CXCL12: variants seen among roughly 807,000 people sequenced by gnomAD.
CXCL12 encodes C-X-C motif chemokine ligand 12.
In CXCL12, 4 loss-of-function variants were observed where a neutral mutation model predicts 10.7. The observed-to-expected ratio is 0.37, with a 90% confidence interval of 0.18 to 0.86. CXCL12 has a LOEUF of 0.86. Among genes scored for constraint, CXCL12 ranks in the 40% least tolerant of loss-of-function variants. CXCL12 has a pLI of 0.43. For missense variants in CXCL12, 122 were observed against 110.4 expected (o/e 1.10, Z -0.47); for synonymous variants, 54 against 45.4 (o/e 1.19, Z -0.77).
At position 44,380,860 on chromosome 10, in the gene CXCL12, A is replaced by T; in HGVS notation, c.82T>A (p.Tyr28Asn). 1 of 1,614,210 alleles carries T rather than the reference A, an allele frequency of 6.2e-7. No individual in the cohort carries two copies. Among genetic ancestry groups the T allele is most frequent in the Non-Finnish European group, 8.5e-7 (1 of 1,180,038 alleles). ...LSDGKPVSLS[Y>N]RCPCRFFESH... ...TCGAAGAATCGGCATGGGCATCTGT[A>T]GCTCAGGCTGACGGGCTTCCCTAGA... The change falls in exon 2 of 3, where the codon TAC (tyrosine) becomes AAC (asparagine). Residue 28 changes from tyrosine (Y) to asparagine (N), a missense_variant. Physicochemically the swap from Tyr to Asn is moderately radical, Grantham distance 143. Coordinates refer to ENST00000343575, the MANE Select transcript of CXCL12 (RefSeq NM_199168.4).
At position 44,377,166 on chromosome 10, in the gene CXCL12, C is replaced by T. The variant is rs532313482; in HGVS notation, c.*1467G>A. The T allele has an allele frequency of 2.0e-6, 2 of 985,606 alleles. No homozygotes were observed. The highest frequency in any genetic ancestry group is 2.4e-6 in the Non-Finnish European group (2 of 830,030). 61.1% of individuals were successfully genotyped at this position (985,606 alleles called of 1,614,324 possible). A position where few individuals can be genotyped will look rare whatever the true frequency, so the allele number is the denominator to read the frequency against. The stretch of plus-strand genomic sequence containing the variant: ...AACAATTAGCATTTTATTGCTAGTG[C>T]ATATAATGTCACATTTGATACAATT... On this transcript the variant is annotated 3_prime_UTR_variant, in exon 3 of 3. Coordinates refer to ENST00000343575, the MANE Select transcript of CXCL12 (RefSeq NM_199168.4).
downstream of CXCL12, chr10:44,374,176 A>G: frequency 3.0e-6 from 1 of 337,706 alleles, no homozygotes; most frequent in Non-Finnish European, 5.9e-6. Context: ...CAGGAGTGGG[A>G]TAGCAAGCAG....
chr10:44,378,581 T>C lies in CXCL12; in HGVS notation c.*52A>G. 6.2e-7 allele frequency: 1 copy of C among 1,612,308 alleles called. No homozygotes were observed. Among genetic ancestry groups the C allele is most frequent in the Non-Finnish European group, 8.5e-7 (1 of 1,178,920 alleles). On this transcript the variant is annotated 3_prime_UTR_variant, in exon 3 of 3. Transcript: ENST00000343575. ...CTTTGCCCTTTCATCTCTCACAAGG[T>C]TTTAGTTTTCCTCGAGTGGGTCTAG...
chr10:44,374,896 C>T (rs112454568), downstream of CXCL12, among the ~76,000 whole-genome samples: 386 of 152,306 alleles, frequency 2.5e-3, 2 homozygotes, highest in African/African-American at 7.9e-3. Context: ...CTCTTCCATC[C>T]TCCCGGTCCA....
At chr10:44,381,009 AC>A (rs1839615262) in intron 1 of CXCL12, 129 bp from the exon 2 acceptor site, 2 of 787,450 alleles carry the variant, frequency 2.5e-6, no homozygotes, top group South Asian at 2.9e-5. Flanking sequence ...GTTCCAGGTT[AC>A]TGGTGTATGT....
chr10:44,372,874 G>A, downstream of CXCL12: 3 of 1,533,606 alleles, frequency 2.0e-6, no homozygotes, highest in Non-Finnish European at 2.6e-6. Context: ...CCATCCCACA[G>A]AGAGAAGCCT....
Position 44,378,575 on chromosome 10 carries a change from A to C in CXCL12, c.*58T>G, listed in dbSNP as rs1368248428. The C allele has an allele frequency of 1.2e-6, 2 of 1,612,082 alleles. No individual in the cohort carries two copies. Among genetic ancestry groups the C allele is most frequent in the Non-Finnish European group, 1.7e-6 (2 of 1,178,868 alleles). On this transcript the variant is annotated 3_prime_UTR_variant, in exon 3 of 3. Transcript: ENST00000343575. ...CCACGTCTTTGCCCTTTCATCTCTC[A>C]CAAGGTTTTAGTTTTCCTCGAGTGG...
intron 1 of CXCL12, among the ~76,000 whole-genome samples, chr10:44,383,115 G>A (rs564895290): frequency 6.6e-6 from 1 of 152,240 alleles, no homozygotes; most frequent in Non-Finnish European, 1.5e-5. Flanking sequence ...CTGCCTGACG[G>A]AAGTCAGCCA....
chr10:44,371,973 T>C (rs1371938726), downstream of CXCL12: 1 of 152,256 alleles, frequency 6.6e-6, no homozygotes, highest in Non-Finnish European at 1.5e-5. Context: ...ACTCTTCACA[T>C]AGCACATTGT....
At chr10:44,379,886 C>T (rs1839574303) in intron 2 of CXCL12, among the ~76,000 whole-genome samples, 1 of 152,212 alleles carries the variant, frequency 6.6e-6, no homozygotes, top group Admixed American at 6.5e-5. Flanking sequence ...ACATTCAAGG[C>T]AGTAAAGGGT....
chr10:44,379,894 G>A (rs1014254793), intron 2 of CXCL12, among the ~76,000 whole-genome samples: 1 of 152,150 alleles, frequency 6.6e-6, no homozygotes, highest in African/African-American at 2.4e-5. Context: ...GGCAGTAAAG[G>A]GTTAACTCAA....
chr10:44,373,407 G>T, downstream of CXCL12: 1 of 1,472,824 alleles, frequency 6.8e-7, no homozygotes, highest in Non-Finnish European at 9.4e-7. Context: ...GCCAGCTCCA[G>T]AAGGACAGCG....
At chr10:44,380,542 G>A (rs932987316) in intron 2 of CXCL12, 6 of 548,574 alleles carry the variant, frequency 1.1e-5, no homozygotes, top group East Asian at 3.1e-5. Context: ...GAACTACTAC[G>A]AGCACAGCAG....
exon 4 of CXCL12, chr10:44,370,484 A>C (rs530830766): frequency 6.6e-6 from 1 of 152,484 alleles, no homozygotes; most frequent in African/African-American, 2.4e-5. Flanking sequence ...GGGATTTGGA[A>C]GTTTCTAGGG....
At chr10:44,381,202 T>C (rs957949649) in intron 1 of CXCL12, among the ~76,000 whole-genome samples, 2 of 152,196 alleles carry the variant, frequency 1.3e-5, no homozygotes, top group African/African-American at 4.8e-5. Flanking sequence ...AGATAACGGT[T>C]TCAGTCCAAG....
chr10:44,370,577 CT>C (rs1564456642), exon 4 of CXCL12: 1 of 152,192 alleles, frequency 6.6e-6, no homozygotes, highest in East Asian at 1.9e-4. Flanking sequence ...TCTCATCCAG[CT>C]GGAAAAGGGT....
downstream of CXCL12, chr10:44,371,244 C>T: frequency 3.4e-6 from 1 of 296,366 alleles, no homozygotes; most frequent in Non-Finnish European, 6.7e-6. Flanking sequence ...TATTTTCTCC[C>T]ATGGAGGAGA....
At chr10:44,382,004 T>G (rs1266074211) in intron 1 of CXCL12, among the ~76,000 whole-genome samples, 2 of 152,204 alleles carry the variant, frequency 1.3e-5, no homozygotes, top group Non-Finnish European at 2.9e-5. Flanking sequence ...CATTTTATTT[T>G]ATTTTTTCTA....
downstream of CXCL12, chr10:44,374,398 C>T: frequency 2.2e-6 from 1 of 452,786 alleles, no homozygotes; most frequent in Non-Finnish European, 4.5e-6. Context: ...TACTGGCTTC[C>T]ACGGGAAGGA....
Sources: gnomAD v4.1 joint callset for allele counts (sites outside exome capture counted in the v4.1 genomes callset) on GRCh38, gnomAD v4.1.1 for gene constraint, MANE v1.5 for transcripts, NCBI Gene and HGNC (gene_info 2026-07-23, HGNC 2026-07-21) for gene names.